Variants in DNAH14 observed in about 807,000 individuals in gnomAD.
DNAH14 encodes dynein axonemal heavy chain 14.
Under a neutral mutation model 520.9 loss-of-function variants are expected in DNAH14, and 478 were observed. That is an observed-to-expected ratio of 0.92 (90% confidence interval 0.85 to 0.99). The LOEUF (loss-of-function observed/expected upper bound fraction) is 0.99. DNAH14 is among the 50% of genes least tolerant of loss of function. The pLI is 0.00. For missense variants in DNAH14, 4,831 were observed against 5,234.5 expected (o/e 0.92, Z 2.38); for synonymous variants, 1,581 against 1,757.2 (o/e 0.90, Z 2.51).
chr1:225,168,042 G>A lies in DNAH14; in HGVS notation c.5535+14G>A. The A allele has an allele frequency of 7.2e-7, 1 of 1,388,380 alleles. No individual in the cohort carries two copies. The highest frequency in any genetic ancestry group is 9.9e-7 in the Non-Finnish European group (1 of 1,012,860). The allele number at this position is 1,388,380 out of a possible 1,614,324, so 86.0% of individuals were successfully genotyped here. A position where few individuals can be genotyped will look rare whatever the true frequency, so the allele number is the denominator to read the frequency against. ...AATCAACTTCAGGTAAGTATAAAAT[G>A]GCATGTTAGCAATCCTTTGCCTGTA... On this transcript the variant is annotated intron_variant, in intron 36 of 85. Coordinates refer to ENST00000682510, the MANE Select transcript of DNAH14 (RefSeq NM_001367479.1).
intron 27 of DNAH14, among the ~76,000 whole-genome samples, chr1:225,135,508 G>A (rs375755621): frequency 1.3e-5 from 2 of 152,258 alleles, no homozygotes; most frequent in South Asian, 2.1e-4. Context: ...ATTGTACTGT[G>A]GTCTGAGAGA....
chr1:225,308,175 C>T, intron 59 of DNAH14, 110 bp from the exon 60 acceptor site: 1 of 1,128,096 alleles, frequency 8.9e-7, no homozygotes, highest in Non-Finnish European at 1.2e-6. Context: ...ATATTTCAGG[C>T]TGATTTTAGT....
chr1:224,941,963 T>A (rs188920768), intron 1 of DNAH14, among the ~76,000 whole-genome samples: 1 of 152,332 alleles, frequency 6.6e-6, no homozygotes, highest in East Asian at 1.9e-4. Flanking sequence ...GCTTTGTTCT[T>A]TGGCTTAGCA....
intron 84 of DNAH14, among the ~76,000 whole-genome samples, chr1:225,392,959 G>C (rs947037): frequency 6.6e-6 from 1 of 151,938 alleles, no homozygotes; most frequent in Non-Finnish European, 1.5e-5. Flanking sequence ...CAGGTGCACC[G>C]TGCACCCCAG....
At chr1:225,332,299 G>A (rs1430332089) in intron 65 of DNAH14, among the ~76,000 whole-genome samples, 1 of 152,150 alleles carries the variant, frequency 6.6e-6, no homozygotes, top group East Asian at 1.9e-4. Context: ...CCAATCAAAG[G>A]GAGATGATAG....
intron 34 of DNAH14, among the ~76,000 whole-genome samples, chr1:225,158,470 A>C (rs1004387502): frequency 6.6e-6 from 1 of 152,158 alleles, no homozygotes; most frequent in African/African-American, 2.4e-5. Context: ...ACACCTTCTA[A>C]TAATAACTGG....
chr1:225,291,845 A>AT (rs540145256), intron 55 of DNAH14, among the ~76,000 whole-genome samples: 7 of 151,952 alleles, frequency 4.6e-5, no homozygotes, highest in Admixed American at 3.9e-4. Context: ...GCATTTATTC[A>AT]TTTTTTTGGC....
chr1:225,105,064 C>G (rs1326905991), intron 23 of DNAH14, among the ~76,000 whole-genome samples: 1 of 152,048 alleles, frequency 6.6e-6, no homozygotes, highest in Non-Finnish European at 1.5e-5. Flanking sequence ...TGAATGTGTC[C>G]CATAGATTCT....
intron 41 of DNAH14, among the ~76,000 whole-genome samples, chr1:225,213,761 T>C (rs1335087900): frequency 1.3e-5 from 2 of 152,220 alleles, no homozygotes; most frequent in African/African-American, 4.8e-5. Flanking sequence ...TGATTTTGTA[T>C]TGTGAGACTT....
chr1:225,352,346 A>G (rs575377123), intron 72 of DNAH14, among the ~76,000 whole-genome samples: 6 of 152,220 alleles, frequency 3.9e-5, no homozygotes, highest in African/African-American at 1.4e-4. Context: ...ACCCCCACTC[A>G]GAATACAACC....
At chr1:224,966,398 TTTAA>T (rs2061167622) in intron 5 of DNAH14, among the ~76,000 whole-genome samples, 1 of 152,138 alleles carries the variant, frequency 6.6e-6, no homozygotes, top group Admixed American at 6.6e-5. Context: ...TATGGTAAAA[TTTAA>T]TTATCCAGAA....
At chr1:225,222,917 A>G (rs543360331) in intron 41 of DNAH14, among the ~76,000 whole-genome samples, 44 of 152,294 alleles carry the variant, frequency 2.9e-4, no homozygotes, top group African/African-American at 9.9e-4. Flanking sequence ...CACAAGGGCA[A>G]TGGGTCCCAG....
At chr1:225,248,088 A>G (rs1473598930) in intron 43 of DNAH14, among the ~76,000 whole-genome samples, 1 of 152,220 alleles carries the variant, frequency 6.6e-6, no homozygotes, top group African/African-American at 2.4e-5. Context: ...ATGTAGTAAT[A>G]TCTTCAAATG....
rs1176981208 is a variant in DNAH14, at chr1:225,337,467, A to G, written c.10282A>G (p.Met3428Val). ...SNYTKKIENA[M>V]KTGGSVLLQN... ...TTATACCAAAAAAATTGAAAATGCT[A>G]TGAAGACAGGAGGGAGTGTCCTCCT... Residue 3428 changes from methionine (M) to valine (V), a missense_variant, in exon 67 of 86, where the codon ATG becomes GTG. Met to Val is a conservative substitution (Grantham distance 21). Coordinates refer to ENST00000682510, the MANE Select transcript of DNAH14 (RefSeq NM_001367479.1). 12 of 1,551,754 alleles carry G rather than the reference A, an allele frequency of 7.7e-6. 1 individual carries two copies. The highest frequency in any genetic ancestry group is 4.8e-5 in the South Asian group (4 of 84,054).
intron 41 of DNAH14, among the ~76,000 whole-genome samples, chr1:225,214,426 A>G (rs953280989): frequency 6.6e-6 from 1 of 152,224 alleles, no homozygotes; most frequent in Non-Finnish European, 1.5e-5. Flanking sequence ...GCCTCATAAA[A>G]TGAATTAGGG....
At chr1:224,941,472 C>T (rs1217071474) in intron 1 of DNAH14, among the ~76,000 whole-genome samples, 1 of 152,100 alleles carries the variant, frequency 6.6e-6, no homozygotes, top group Admixed American at 6.5e-5. Flanking sequence ...TGTAGGTTGC[C>T]TGTTGACTCT....
chr1:225,225,963 G>A (rs542165455), intron 41 of DNAH14, among the ~76,000 whole-genome samples: 23 of 152,280 alleles, frequency 1.5e-4, no homozygotes, highest in Admixed American at 1.4e-3. Context: ...ATTACCTGTG[G>A]GATGCTGAAG....
chr1:225,344,574 A>T (rs1180577391), intron 69 of DNAH14, among the ~76,000 whole-genome samples: 1 of 151,958 alleles, frequency 6.6e-6, no homozygotes, highest in Non-Finnish European at 1.5e-5. Context: ...CTTTTTTATG[A>T]CTGCATCGTA....
At position 225,367,952 on chromosome 1, in the gene DNAH14, A is replaced by T. The variant is rs544666795; in HGVS notation, c.12238A>T (p.Asn4080Tyr). 2.6e-6 allele frequency: 4 copies of T among 1,551,476 alleles called. No individual in the cohort carries two copies. The East Asian group carries it at 9.8e-5, about 38-fold the overall frequency. Reference protein sequence around the residue: ...KKLLFSLCFFNAVINERKNYG... With the variant: ...KKLLFSLCFFYAVINERKNYG... ...ACTTTTATTTAGCCTATGTTTTTTC[A>T]ATGCTGTAATCAATGAAAGAAAAAA... Residue 4080 changes from asparagine (N) to tyrosine (Y), a missense_variant, in exon 77 of 86, where the codon AAT becomes TAT. Coordinates refer to ENST00000682510, the MANE Select transcript of DNAH14 (RefSeq NM_001367479.1).
Sources: allele counts gnomAD v4.1 joint callset (sites outside exome capture counted in the v4.1 genomes callset), GRCh38; gene constraint gnomAD v4.1.1; transcripts MANE v1.5; gene names NCBI Gene and HGNC (gene_info 2026-07-23, HGNC 2026-07-21).